Variants in KAZN observed in about 807,000 individuals in gnomAD.
The protein encoded by KAZN is kazrin, periplakin interacting protein.
Under a neutral mutation model 87.4 loss-of-function variants are expected in KAZN, and 40 were observed. The ratio of observed to expected loss-of-function variants is 0.46; its 90% confidence interval spans 0.36 to 0.60. The LOEUF is 0.60. KAZN is among the 20% of genes least tolerant of loss of function. The pLI is 0.00. For missense variants in KAZN, 898 were observed against 1,073.9 expected, an observed-to-expected ratio of 0.84 and a Z score of 2.29; for synonymous variants, 466 against 458.3, an observed-to-expected ratio of 1.02 and a Z score of -0.22.
chr1:14,163,791 C>G (rs1369941009), intron 1 of KAZN, among the ~76,000 whole-genome samples: 1 of 152,198 alleles, frequency 6.6e-6, no homozygotes, highest in African/African-American at 2.4e-5. Flanking sequence ...GATCATCCAG[C>G]TTATTCGATA....
At chr1:14,967,398 G>A (rs566247121) in intron 2 of KAZN, among the ~76,000 whole-genome samples, 1 of 152,222 alleles carries the variant, frequency 6.6e-6, no homozygotes, top group Admixed American at 6.5e-5. Flanking sequence ...CATCCTCTAG[G>A]CAGCTTTCTG....
At chr1:14,615,394 A>C (rs1352275365) in intron 1 of KAZN, among the ~76,000 whole-genome samples, 1 of 152,132 alleles carries the variant, frequency 6.6e-6, no homozygotes, top group Non-Finnish European at 1.5e-5. Flanking sequence ...TTGGGAGGCC[A>C]AGGCGGGCAG....
intron 2 of KAZN, among the ~76,000 whole-genome samples, chr1:15,013,391 G>A (rs1364885045): frequency 1.3e-5 from 2 of 152,138 alleles, no homozygotes; most frequent in African/African-American, 4.8e-5. Context: ...TGAAAAAAGA[G>A]CATAAGAAAA....
intron 1 of KAZN, among the ~76,000 whole-genome samples, chr1:14,954,617 T>G (rs774889615): frequency 2.6e-5 from 4 of 152,220 alleles, no homozygotes; most frequent in Non-Finnish European, 5.9e-5. Flanking sequence ...ACGTGAAATG[T>G]GGCTAGAGAA....
At chr1:14,767,745 A>G (rs1307086533) in intron 1 of KAZN, among the ~76,000 whole-genome samples, 1 of 152,170 alleles carries the variant, frequency 6.6e-6, no homozygotes, top group East Asian at 1.9e-4. Context: ...GCCTGCAGCC[A>G]TGGGAGGGCT....
chr1:14,501,152 A>G (rs1457837460), intron 2 of KAZN, among the ~76,000 whole-genome samples: 3 of 151,694 alleles, frequency 2.0e-5, no homozygotes, highest in African/African-American at 7.2e-5. Flanking sequence ...AAAGCCCACA[A>G]TTAACATGAT....
chr1:14,929,734 T>C, intron 1 of KAZN: 7 of 981,562 alleles, frequency 7.1e-6, no homozygotes, highest in Non-Finnish European at 8.5e-6. Flanking sequence ...GGCGTGGAGT[T>C]ATTTTAATGG....
At chr1:14,477,797 A>T (rs1268790191) in intron 2 of KAZN, among the ~76,000 whole-genome samples, 2 of 152,226 alleles carry the variant, frequency 1.3e-5, no homozygotes, top group Non-Finnish European at 2.9e-5. Flanking sequence ...GGACGTCCAG[A>T]GGAGCTGACT....
At chr1:13,975,975 A>G (rs948348982) in intron 1 of KAZN, among the ~76,000 whole-genome samples, 28 of 152,210 alleles carry the variant, frequency 1.8e-4, no homozygotes, top group Non-Finnish European at 2.5e-4. Flanking sequence ...GGTGTCTAGG[A>G]CAATTAATTT....
At chr1:14,941,830 C>G (rs1187001926) in intron 1 of KAZN, among the ~76,000 whole-genome samples, 1 of 152,194 alleles carries the variant, frequency 6.6e-6, no homozygotes, top group Non-Finnish European at 1.5e-5. Flanking sequence ...GTCCTCTTGT[C>G]TGGCTTCCTG....
intron 2 of KAZN, among the ~76,000 whole-genome samples, chr1:14,512,974 C>A (rs1023507503): frequency 6.6e-6 from 1 of 152,170 alleles, no homozygotes; most frequent in African/African-American, 2.4e-5. Flanking sequence ...CATTCCCTTA[C>A]CAGGTTGTTT....
chr1:15,082,477 A>G (rs1640050282), intron 8 of KAZN, among the ~76,000 whole-genome samples: 1 of 152,208 alleles, frequency 6.6e-6, no homozygotes, highest in Admixed American at 6.5e-5. Context: ...ATAGACTCAA[A>G]ATTTTAAATA....
chr1:14,403,489 C>T (rs1384998789), intron 2 of KAZN, among the ~76,000 whole-genome samples: 1 of 152,034 alleles, frequency 6.6e-6, no homozygotes. Context: ...AGACAAACCA[C>T]AGACTCGAAG....
chr1:14,504,640 T>C (rs1431734282), intron 2 of KAZN, among the ~76,000 whole-genome samples: 1 of 152,194 alleles, frequency 6.6e-6, no homozygotes, highest in Non-Finnish European at 1.5e-5. Context: ...GCAATGGGCT[T>C]CATCAGGTAA....
intron 1 of KAZN, among the ~76,000 whole-genome samples, chr1:14,707,430 G>A (rs143830796): frequency 2.6e-5 from 4 of 152,276 alleles, no homozygotes; most frequent in East Asian, 1.9e-4. Flanking sequence ...GTCCTGTCCC[G>A]AGAGCTGCAC....
chr1:14,228,039 T>C (rs1647452784), intron 2 of KAZN, among the ~76,000 whole-genome samples: 1 of 152,190 alleles, frequency 6.6e-6, no homozygotes, highest in Non-Finnish European at 1.5e-5. Flanking sequence ...CTCTCATCTG[T>C]AGACTGACTT....
chr1:14,739,190 A>G (rs1644010434), intron 1 of KAZN, among the ~76,000 whole-genome samples: 1 of 152,244 alleles, frequency 6.6e-6, no homozygotes, highest in African/African-American at 2.4e-5. Flanking sequence ...AACAAAACAA[A>G]CAAAACACTA....
At chr1:15,092,754 C>T (rs1640612616) in intron 8 of KAZN, among the ~76,000 whole-genome samples, 1 of 152,132 alleles carries the variant, frequency 6.6e-6, no homozygotes, top group African/African-American at 2.4e-5. Flanking sequence ...AGATTATAGG[C>T]GTGAGCTACC....
At chr1:14,079,604 T>G (rs1394541148) in intron 1 of KAZN, among the ~76,000 whole-genome samples, 3 of 152,200 alleles carry the variant, frequency 2.0e-5, no homozygotes, top group African/African-American at 7.2e-5. Flanking sequence ...ACCAGAATGC[T>G]AGAAACGGAA....
Sources: allele counts gnomAD v4.1 joint callset (sites outside exome capture counted in the v4.1 genomes callset), GRCh38; gene constraint gnomAD v4.1.1; transcripts MANE v1.5; gene names NCBI Gene and HGNC (gene_info 2026-07-23, HGNC 2026-07-21).